GALNT17: variants seen among roughly 807,000 people sequenced by gnomAD.
GALNT17 encodes UDP-GalNAc:polypeptide N-acetylgalactosaminyltransferase-like 3.
A neutral mutation model predicts 63.7 loss-of-function variants in GALNT17; 29 were observed. That is an observed-to-expected ratio of 0.46 (90% CI 0.34 to 0.62). The LOEUF (loss-of-function observed/expected upper bound fraction) is 0.62, where lower values mean the gene tolerates loss of function less well. GALNT17 is among the 20% of genes least tolerant of loss of function. The pLI is 0.01. For missense variants in GALNT17, 603 were observed against 799.6 expected, an observed-to-expected ratio of 0.75 and a Z score of 2.97; for synonymous variants, 305 against 318.3, an observed-to-expected ratio of 0.96 and a Z score of 0.45.
Position 71,288,637 on chromosome 7 carries a change from A to G in GALNT17, c.239-46913A>G, listed in dbSNP as rs114367530. On this transcript the variant is annotated intron_variant, in intron 1 of 10. Transcript: ENST00000333538. ...GTCTTGCAGCATGCTCAGGGGCCCA[A>G]TGTCAGTGCAGTGACCTTGCGTTTA... Among the ~76,000 whole-genome samples the G allele has an allele frequency of 4.7e-3, 714 of 152,238 alleles. 5 individuals are homozygous for G. The highest frequency in any genetic ancestry group is 0.016 in the African/African-American group (682 of 41,554).
chr7:71,640,959 C>A (rs1790595116), intron 6 of GALNT17, among the ~76,000 whole-genome samples: 1 of 152,164 alleles, frequency 6.6e-6, no homozygotes, highest in Non-Finnish European at 1.5e-5. Flanking sequence ...TGGTTTCTGA[C>A]AGTTAGATTC....
chr7:71,203,336 A>G (rs1435046550), intron 1 of GALNT17, among the ~76,000 whole-genome samples: 1 of 152,118 alleles, frequency 6.6e-6, no homozygotes, highest in African/African-American at 2.4e-5. Flanking sequence ...CAGCCATTCT[A>G]ATGGATGTGA....
chr7:71,677,736 T>C (rs659509), intron 9 of GALNT17, among the ~76,000 whole-genome samples: 149,682 of 152,168 alleles, frequency 0.98, 73,658 homozygotes, highest in East Asian at 1. Context: ...AGGATGGTCT[T>C]CATCTCCTGA....
At chr7:71,307,060 G>A (rs868338923) in intron 1 of GALNT17, among the ~76,000 whole-genome samples, 1 of 152,090 alleles carries the variant, frequency 6.6e-6, no homozygotes, top group African/African-American at 2.4e-5. Flanking sequence ...CTGACCTCAA[G>A]TGATCTGCCC....
chr7:71,581,390 C>G (rs1309509571), intron 6 of GALNT17, among the ~76,000 whole-genome samples: 2 of 152,046 alleles, frequency 1.3e-5, no homozygotes, highest in Non-Finnish European at 2.9e-5. Context: ...GAACTCCTGG[C>G]CTCATGTGAT....
At chr7:71,663,822 G>C in intron 6 of GALNT17, among the ~76,000 whole-genome samples, 1 of 152,102 alleles carries the variant, frequency 6.6e-6, no homozygotes, top group East Asian at 1.9e-4. Flanking sequence ...GTGGTTACTG[G>C]GAGACTAAAG....
At chr7:71,275,088 C>A (rs1402473810) in intron 1 of GALNT17, among the ~76,000 whole-genome samples, 1 of 152,106 alleles carries the variant, frequency 6.6e-6, no homozygotes, top group Non-Finnish European at 1.5e-5. Context: ...ACTGGGAGAT[C>A]CTGAAATGGT....
At chr7:71,411,431 T>A (rs575681199) in intron 3 of GALNT17, among the ~76,000 whole-genome samples, 3 of 152,278 alleles carry the variant, frequency 2.0e-5, no homozygotes, top group Admixed American at 1.3e-4. Flanking sequence ...AGGGGGTGAC[T>A]TTCTAACCAG....
chr7:71,667,922 C>T (rs1041851220), intron 7 of GALNT17, among the ~76,000 whole-genome samples: 3 of 152,114 alleles, frequency 2.0e-5, no homozygotes, highest in African/African-American at 4.8e-5. Context: ...ACCTCAGCCT[C>T]CTGAGTAGCT....
chr7:71,679,566 A>G (rs1192475104), intron 9 of GALNT17, among the ~76,000 whole-genome samples: 1 of 152,098 alleles, frequency 6.6e-6, no homozygotes, highest in African/African-American at 2.4e-5. Context: ...AAAAGAGGCA[A>G]GAAATCTACA....
At chr7:71,494,621 A>G (rs914594533) in intron 5 of GALNT17, among the ~76,000 whole-genome samples, 5 of 152,090 alleles carry the variant, frequency 3.3e-5, no homozygotes, top group East Asian at 1.9e-4. Flanking sequence ...GGCCTCCCAA[A>G]CTATTGGGAG....
At chr7:71,294,682 T>C (rs1001173089) in intron 1 of GALNT17, among the ~76,000 whole-genome samples, 1 of 152,166 alleles carries the variant, frequency 6.6e-6, no homozygotes, top group Non-Finnish European at 1.5e-5. Context: ...CCCAAACTGC[T>C]GGGATTACAG....
intron 1 of GALNT17, among the ~76,000 whole-genome samples, chr7:71,276,502 T>C (rs531620739): frequency 3.3e-5 from 5 of 152,080 alleles, no homozygotes; most frequent in African/African-American, 1.2e-4. Context: ...ATCATGGGGG[T>C]GGGCTTTTCC....
chr7:71,237,529 A>AG (rs1279611889), intron 1 of GALNT17, among the ~76,000 whole-genome samples: 12 of 150,768 alleles, frequency 8.0e-5, no homozygotes, highest in African/African-American at 2.5e-4. Flanking sequence ...AAAAAAAAAA[A>AG]AAAGAAAAAA....
At chr7:71,304,967 G>A (rs1345205833) in intron 1 of GALNT17, among the ~76,000 whole-genome samples, 3 of 152,042 alleles carry the variant, frequency 2.0e-5, no homozygotes, top group African/African-American at 4.8e-5. Context: ...GCTGGCCTCC[G>A]TGATTCACCT....
intron 9 of GALNT17, among the ~76,000 whole-genome samples, chr7:71,708,789 C>T (rs1358084953): frequency 6.6e-6 from 1 of 152,160 alleles, no homozygotes; most frequent in Non-Finnish European, 1.5e-5. Context: ...TTAGCTCCCA[C>T]TCACAAGTGA....
chr7:71,453,242 TTTG>T (rs1234042349), intron 5 of GALNT17, among the ~76,000 whole-genome samples: 3 of 152,226 alleles, frequency 2.0e-5, no homozygotes, highest in Non-Finnish European at 2.9e-5. Flanking sequence ...CCAGGTATCT[TTTG>T]TCTAGCATTA....
intron 1 of GALNT17, among the ~76,000 whole-genome samples, chr7:71,328,272 G>A (rs4073529): frequency 0.17 from 26,016 of 152,106 alleles, 2,453 homozygotes; most frequent in East Asian, 0.29. Flanking sequence ...AATTAGTTTT[G>A]CACCAACTTA....
At chr7:71,521,319 A>G (rs753639364) in intron 5 of GALNT17, among the ~76,000 whole-genome samples, 1 of 151,912 alleles carries the variant, frequency 6.6e-6, no homozygotes, top group Non-Finnish European at 1.5e-5. Context: ...CCCCAGGTGG[A>G]CACAGCAGCC....
Sources: allele counts gnomAD v4.1 joint callset (sites outside exome capture counted in the v4.1 genomes callset), GRCh38; gene constraint gnomAD v4.1.1; transcripts MANE v1.5; gene names NCBI Gene and HGNC (gene_info 2026-07-23, HGNC 2026-07-21).